The following CSMD1 variants were observed in gnomAD, a reference collection of about 807,000 sequenced individuals.
The protein encoded by CSMD1 is CUB and sushi domain-containing protein 1.
A neutral mutation model predicts 417.5 loss-of-function variants in CSMD1; 213 were observed. The ratio of observed to expected loss-of-function variants is 0.51; its 90% CI spans 0.46 to 0.57. The LOEUF is 0.57. Ranked by LOEUF, CSMD1 falls within the 20% of genes least tolerant of loss-of-function variation. The pLI, the probability that CSMD1 is intolerant of heterozygous loss-of-function variation, is 0.00. For missense variants in CSMD1, 6,923 were observed against 4,529.7 expected (o/e 1.53, Z -15.17); for synonymous variants, 2,862 against 1,736.8 (o/e 1.65, Z -16.11).
At chr8:3,299,412 A>G (rs1427900194) in intron 25 of CSMD1, among the ~76,000 whole-genome samples, 2 of 152,130 alleles carry the variant, frequency 1.3e-5, no homozygotes, top group Non-Finnish European at 1.5e-5. Context: ...AGATCACGCT[A>G]TTGCACTCCA....
At chr8:4,727,526 G>A (rs554189743) in intron 1 of CSMD1, among the ~76,000 whole-genome samples, 1 of 152,010 alleles carries the variant, frequency 6.6e-6, no homozygotes, top group African/African-American at 2.4e-5. Context: ...ATGCCTTCTG[G>A]GTGTGTTTTG....
At chr8:4,803,915 C>A (rs958521025) in intron 1 of CSMD1, among the ~76,000 whole-genome samples, 39 of 152,180 alleles carry the variant, frequency 2.6e-4, no homozygotes, top group African/African-American at 8.9e-4. Flanking sequence ...AGCTAGCCCA[C>A]AGAGCCTCCA....
chr8:3,723,678 T>C (rs1459060782), intron 6 of CSMD1, among the ~76,000 whole-genome samples: 1 of 152,168 alleles, frequency 6.6e-6, no homozygotes, highest in Non-Finnish European at 1.5e-5. Context: ...AGACTTTTTT[T>C]GGTAAGAGCA....
Position 3,940,864 on chromosome 8 carries a change from C to G in CSMD1, c.818+57039G>C, listed in dbSNP as rs536890427. Among the ~76,000 whole-genome samples the G allele has an allele frequency of 4.5e-5, 6 of 134,410 alleles. No individual in the cohort carries two copies. In the East Asian group the frequency reaches 8.7e-4, roughly 19 times the overall value. 88.2% of individuals were successfully genotyped at this position (134,410 alleles called of 152,430 possible). Reference sequence around the variant, plus strand: ...AAGTTTATTAAAAACTAATCATACGCTTCTTCCTTATGCCATCTCCCTTCT... The same window carrying G: ...AAGTTTATTAAAAACTAATCATACGGTTCTTCCTTATGCCATCTCCCTTCT... On this transcript the variant is annotated intron_variant, in intron 5 of 69. Transcript: ENST00000635120.
intron 2 of CSMD1, among the ~76,000 whole-genome samples, chr8:4,461,789 G>A (rs1490735137): frequency 2.8e-5 from 4 of 144,108 alleles, no homozygotes; most frequent in Middle Eastern, 3.8e-3. Flanking sequence ...CACCCAGGCT[G>A]GAGTGCAGTA....
chr8:4,065,528 A>AGAAACT (rs1371740959), intron 3 of CSMD1, among the ~76,000 whole-genome samples: 4 of 150,330 alleles, frequency 2.7e-5, no homozygotes, highest in Non-Finnish European at 5.9e-5. Flanking sequence ...TACGGTATCA[A>AGAAACT]GAAACTGTAT....
chr8:4,211,415 C>T (rs1040269629), intron 3 of CSMD1, among the ~76,000 whole-genome samples: 2 of 152,246 alleles, frequency 1.3e-5, no homozygotes, highest in East Asian at 1.9e-4. Context: ...ATCAGCATCA[C>T]TGAATTTTGT....
chr8:3,701,437 G>A (rs1222414503), intron 7 of CSMD1, among the ~76,000 whole-genome samples: 2 of 152,060 alleles, frequency 1.3e-5, no homozygotes, highest in Non-Finnish European at 2.9e-5. Context: ...CGAAGCTGCT[G>A]CTGGCGGTTA....
chr8:3,157,914 G>A lies in CSMD1; in HGVS notation c.5897C>T (p.Pro1966Leu), dbSNP rs866503043. 12 of 1,554,496 alleles carry A rather than the reference G, an allele frequency of 7.7e-6. No individual in the cohort carries two copies. Among genetic ancestry groups the A allele is most frequent in the Non-Finnish European group, 1.0e-5 (12 of 1,148,502 alleles). ...ATCCTTACCAATGCACAGGGGAGAC[G>A]GATAGTTCCAACGGCGAACGGTCCC... ...MPGTVRRWNY[P>L]SPLCIATCGG... The change falls in exon 39 of 70, where the codon CCG (proline) becomes CTG (leucine). Residue 1966 changes from proline to leucine, a missense_variant. Transcript: ENST00000635120.
chr8:4,965,160 C>T (rs573285152), intron 1 of CSMD1, among the ~76,000 whole-genome samples: 100 of 152,254 alleles, frequency 6.6e-4, no homozygotes, highest in African/African-American at 2.2e-3. Context: ...AGATAGCATA[C>T]AGATATCATG....
intron 1 of CSMD1, among the ~76,000 whole-genome samples, chr8:4,866,808 T>A (rs934655829): frequency 1.3e-5 from 2 of 152,030 alleles, no homozygotes; most frequent in African/African-American, 4.8e-5. Flanking sequence ...ATTCCAATGA[T>A]ACAGGATCCT....
chr8:3,471,679 TTCC>T (rs1414727425), intron 11 of CSMD1, among the ~76,000 whole-genome samples: 4 of 136,214 alleles, frequency 2.9e-5, no homozygotes, highest in African/African-American at 1.1e-4. Flanking sequence ...CCTCCCTCCC[TTCC>T]TTCCTTCCTT....
intron 3 of CSMD1, among the ~76,000 whole-genome samples, chr8:4,297,592 T>C (rs938221948): frequency 6.6e-6 from 1 of 152,160 alleles, no homozygotes; most frequent in Non-Finnish European, 1.5e-5. Context: ...ATGTTTAAAA[T>C]TCCTGTAAGG....
intron 5 of CSMD1, among the ~76,000 whole-genome samples, chr8:3,902,155 G>A (rs2688261): frequency 0.041 from 6,243 of 152,134 alleles, 430 homozygotes; most frequent in African/African-American, 0.14. Context: ...TTCAAGCACT[G>A]TAGCAACATT....
chr8:3,258,265 C>G (rs762431040), intron 26 of CSMD1, among the ~76,000 whole-genome samples: 44 of 152,094 alleles, frequency 2.9e-4, no homozygotes, highest in Non-Finnish European at 4.4e-4. Context: ...AAAAACAACC[C>G]CATTAAAACA....
chr8:4,959,546 T>C lies in CSMD1; in HGVS notation c.85+34786A>G, dbSNP rs149985561. Among the ~76,000 whole-genome samples the C allele has an allele frequency of 5.3e-5, 8 of 152,364 alleles. No homozygotes were observed. The East Asian group carries it at 1.3e-3, about 26-fold the overall frequency. ...CTTCCAGCTGCTCCATGGTGACCAC[T>C]CTGGTCACGGCACTATAATTATCAC... On this transcript the variant is annotated intron_variant, in intron 1 of 69. Transcript: ENST00000635120.
At chr8:4,392,590 A>C (rs1456764814) in intron 3 of CSMD1, among the ~76,000 whole-genome samples, 1 of 151,676 alleles carries the variant, frequency 6.6e-6, no homozygotes, top group African/African-American at 2.4e-5. Flanking sequence ...TTTCATCTGA[A>C]TTTGCTATGA....
At chr8:4,304,388 A>C (rs1012504565) in intron 3 of CSMD1, among the ~76,000 whole-genome samples, 1 of 152,170 alleles carries the variant, frequency 6.6e-6, no homozygotes, top group Non-Finnish European at 1.5e-5. Context: ...TGTTGTAAAT[A>C]GAGAAATTAT....
chr8:3,989,455 G>T (rs926654358), intron 5 of CSMD1, among the ~76,000 whole-genome samples: 10 of 152,150 alleles, frequency 6.6e-5, no homozygotes, highest in South Asian at 2.1e-4. Flanking sequence ...ATGCTGGAAC[G>T]AGTTGTGGTA....
Sources: allele counts gnomAD v4.1 joint callset (sites outside exome capture counted in the v4.1 genomes callset), GRCh38; gene constraint gnomAD v4.1.1; transcripts MANE v1.5; gene names NCBI Gene and HGNC (gene_info 2026-07-23, HGNC 2026-07-21).